CENPE: variants seen among roughly 807,000 people sequenced by gnomAD.
CENPE encodes centromere protein E.
CENPE carries 145 observed loss-of-function variants against 336.1 expected under a neutral mutation model. That is an observed-to-expected ratio of 0.43 (90% CI 0.38 to 0.50). CENPE has a LOEUF of 0.50. Ranked by LOEUF, CENPE falls within the 20% of genes least tolerant of loss-of-function variation. The pLI is 0.00. For missense variants in CENPE, 2,719 were observed against 3,023.3 expected (o/e 0.90, Z 2.36); for synonymous variants, 1,013 against 984.8 (o/e 1.03, Z -0.54).
intron 42 of CENPE, among the ~76,000 whole-genome samples, chr4:103,124,055 T>C (rs1388494421): frequency 2.6e-5 from 4 of 152,240 alleles, no homozygotes; most frequent in East Asian, 1.9e-4. Flanking sequence ...TTAGCTGTTG[T>C]TACTAATCTC....
intron 26 of CENPE, among the ~76,000 whole-genome samples, 173 bp downstream of exon 26, chr4:103,151,046 G>A (rs974954772): frequency 6.6e-6 from 1 of 151,982 alleles, no homozygotes; most frequent in African/African-American, 2.4e-5. Flanking sequence ...ATCCTCATAA[G>A]GTATGTTAGT....
intron 26 of CENPE, 150 bp downstream of exon 26, chr4:103,151,069 G>A (rs1313858728): frequency 1.5e-6 from 1 of 665,494 alleles, no homozygotes; most frequent in Admixed American, 3.3e-5. Context: ...AGATCTCAGT[G>A]TAAGTTAAAA....
In CENPE at chr4:103,146,926, G is replaced by C. The variant is rs80269225; in HGVS notation, c.4134+430C>G. ...ATACACACTCAAATCAATAAGATTT[G>C]GTGACTGGATTACAGAATAAGCAGA... On this transcript the variant is annotated intron_variant, in intron 29 of 48. Transcript: ENST00000265148. Among the ~76,000 whole-genome samples the C allele has an allele frequency of 9.5e-3, 1,447 of 152,238 alleles. 15 individuals carry two copies. Among genetic ancestry groups the C allele is most frequent in the South Asian group, 0.046 (223 of 4,820 alleles).
Position 103,175,980 on chromosome 4 carries a change from C to A in CENPE, c.1459G>T (p.Ala487Ser). 6.3e-7 allele frequency: 1 copy of A among 1,599,178 alleles called. No individual in the cohort carries two copies. The highest frequency in any genetic ancestry group is 8.5e-7 in the Non-Finnish European group (1 of 1,169,976). ...GTTACCTGATTTAGTAGCTTTGTTG[C>A]TGGATTCCATTCTATCTCACTTAAT... ...DTLSEIEWNP[A>S]TKLLNQENIE... Residue 487 changes from alanine (A) to serine (S), a missense_variant, in exon 15 of 49, where the codon GCA becomes TCA. Physicochemically the swap from Ala to Ser is moderately conservative, Grantham distance 99. This residue lies in a region of CENPE where 2,437 missense variants were observed against 2,513.3 expected (regional missense o/e 0.97). Coordinates refer to ENST00000265148, the MANE Select transcript of CENPE (RefSeq NM_001813.3).
At chr4:103,138,998 T>C (rs1578587002) in intron 38 of CENPE, among the ~76,000 whole-genome samples, 2 of 152,342 alleles carry the variant, frequency 1.3e-5, no homozygotes, top group African/African-American at 4.8e-5. Context: ...CAACCAAATA[T>C]ACTGGCAAAA....
At chr4:103,173,033 A>G (rs1560659470) in intron 16 of CENPE, among the ~76,000 whole-genome samples, 1 of 152,026 alleles carries the variant, frequency 6.6e-6, no homozygotes, top group Non-Finnish European at 1.5e-5. Context: ...TGGAACCCCA[A>G]AAGACCCTGT....
intron 8 of CENPE, 129 bp downstream of exon 8, chr4:103,194,100 G>T: frequency 3.0e-6 from 2 of 674,880 alleles, no homozygotes; most frequent in Non-Finnish European, 5.1e-6. Flanking sequence ...ACAAGACTAA[G>T]CAGACAATTT....
chr4:103,114,118 T>C (rs1432072842), intron 46 of CENPE, among the ~76,000 whole-genome samples: 1 of 152,146 alleles, frequency 6.6e-6, no homozygotes, highest in Non-Finnish European at 1.5e-5. Context: ...TACGAAGACA[T>C]GTGTTTCGTT....
chr4:103,109,174 AAATT>A (rs779847241), intron 47 of CENPE, 85 bp from the exon 48 acceptor site: 7 of 1,052,420 alleles, frequency 6.7e-6, no homozygotes, highest in African/African-American at 1.6e-5. Flanking sequence ...AATTAAAAAT[AAATT>A]GTGATGAAAT....
chr4:103,147,398 T>C lies in CENPE; in HGVS notation c.4092A>G (p.Lys1364=), dbSNP rs760555448. 85 of 1,611,924 alleles carry C rather than the reference T, an allele frequency of 5.3e-5. No homozygotes were observed. The highest frequency in any genetic ancestry group is 6.8e-5 in the Non-Finnish European group (80 of 1,179,720). The stretch of plus-strand genomic sequence containing the variant: ...TAATATGTTCTTTCAGCTGGTCATG[T>C]TTAACTTCAAGGGCTTCTTTTATCG... ...LKTIKEALEV[K]HDQLKEHIRE... is the part of the protein sequence containing the mutation. Residue 1364 remains lysine (K), a synonymous_variant, in exon 29 of 49, where the codon AAA becomes AAG. Transcript: ENST00000265148.
At chr4:103,157,949 G>T (rs561228830) in intron 24 of CENPE, among the ~76,000 whole-genome samples, 16 of 151,934 alleles carry the variant, frequency 1.1e-4, no homozygotes, top group East Asian at 9.6e-4. Context: ...AAGTAGAAAA[G>T]AATACTGTTA....
chr4:103,147,633 T>A lies in CENPE; in HGVS notation c.3857A>T (p.His1286Leu). 6.2e-7 allele frequency: 1 copy of A among 1,611,410 alleles called. No homozygotes were observed. The highest frequency in any genetic ancestry group is 1.1e-5 in the South Asian group (1 of 90,824). ...ATTAGGCAGTAACTCTTGTTCCTCA[T>A]GAAGCACTGGGATCTTAGGACATTC... Reference protein sequence around the residue: ...TKLQEEIPVLHEEQELLPNVK... With the variant: ...TKLQEEIPVLLEEQELLPNVK... Residue 1286 changes from histidine (H) to leucine (L), a missense_variant, in exon 29 of 49, where the codon CAT becomes CTT. By Grantham distance (99) the His-to-Leu change is moderately conservative. Transcript: ENST00000265148.
intron 16 of CENPE, among the ~76,000 whole-genome samples, 168 bp from the exon 17 acceptor site, chr4:103,163,721 C>T (rs1175779759): frequency 6.6e-6 from 1 of 151,264 alleles, no homozygotes; most frequent in Non-Finnish European, 1.5e-5. Context: ...CAACAAAGCA[C>T]CTCATTATTT....
chr4:103,145,088 C>G lies in CENPE; in HGVS notation c.4819G>C (p.Asp1607His), dbSNP rs767867436. ...RVQEALQIERDQLKENTKEIV... is the reference protein window; with the variant it reads ...RVQEALQIERHQLKENTKEIV... Reference sequence around the variant, plus strand: ...TCTTTAGTGTTTTCTTTCAGTTGGTCTCTCTCTATCTGAAGGGCCTCCTGT... The same window carrying G: ...TCTTTAGTGTTTTCTTTCAGTTGGTGTCTCTCTATCTGAAGGGCCTCCTGT... Residue 1607 changes from aspartate (D) to histidine (H), a missense_variant, in exon 32 of 49, where the codon GAC becomes CAC. By Grantham distance (81) the Asp-to-His change is moderately conservative. Coordinates refer to ENST00000265148, the MANE Select transcript of CENPE (RefSeq NM_001813.3). 2 of 1,540,086 alleles carry G rather than the reference C, an allele frequency of 1.3e-6. No individual in the cohort carries two copies. Among genetic ancestry groups the G allele is most frequent in the Non-Finnish European group, 1.7e-6 (2 of 1,147,892 alleles).
At chr4:103,107,008 A>G (rs989845275) in intron 48 of CENPE, among the ~76,000 whole-genome samples, 1 of 152,252 alleles carries the variant, frequency 6.6e-6, no homozygotes, top group African/African-American at 2.4e-5. Flanking sequence ...ACATATTAAA[A>G]AAGGACTCAA....
chr4:103,190,861 T>A (rs1167971954), intron 8 of CENPE, among the ~76,000 whole-genome samples: 1 of 150,604 alleles, frequency 6.6e-6, no homozygotes, highest in Non-Finnish European at 1.5e-5. Flanking sequence ...ACAGGCAACC[T>A]ATAGAAAGGG....
chr4:103,137,650 C>T (rs1752178744), intron 39 of CENPE, among the ~76,000 whole-genome samples: 1 of 152,072 alleles, frequency 6.6e-6, no homozygotes, highest in Admixed American at 6.5e-5. Context: ...TCTTGCATTC[C>T]AACAGGTGTG....
intron 48 of CENPE, 53 bp from the exon 49 acceptor site, chr4:103,106,369 C>A: frequency 7.2e-7 from 1 of 1,381,408 alleles, no homozygotes; most frequent in South Asian, 1.3e-5. Context: ...TACACAAAAA[C>A]CAAGCACAGC....
chr4:103,117,716 C>T (rs943218808), intron 44 of CENPE, among the ~76,000 whole-genome samples: 4 of 150,868 alleles, frequency 2.7e-5, no homozygotes, highest in Admixed American at 2.0e-4. Flanking sequence ...CAACCTTCGC[C>T]TCCCGGGTTC....
Sources: gnomAD v4.1 joint callset for allele counts (sites outside exome capture counted in the v4.1 genomes callset) on GRCh38, gnomAD v4.1.1 for gene constraint, gnomAD v4.1.1 regional missense constraint, MANE v1.5 for transcripts, NCBI Gene and HGNC (gene_info 2026-07-23, HGNC 2026-07-21) for gene names.